The following PDE7B variants were observed in gnomAD, a reference collection of about 807,000 sequenced individuals.
PDE7B encodes phosphodiesterase 7B, also known as 3',5'-cyclic-AMP phosphodiesterase 7B.
A neutral mutation model predicts 56.2 loss-of-function variants in PDE7B; 29 were observed. That is an observed-to-expected ratio of 0.52 (90% CI 0.38 to 0.70). The LOEUF (loss-of-function observed/expected upper bound fraction) is 0.70, where lower values mean the gene tolerates loss of function less well. Ranked by LOEUF, PDE7B falls within the 30% of genes least tolerant of loss-of-function variation. The probability of loss-of-function intolerance (pLI) is 0.00; values close to 1 mark genes in which losing one functional copy is unlikely to be tolerated. For missense variants in PDE7B, 490 were observed against 565.0 expected (o/e 0.87, Z 1.35); for synonymous variants, 197 against 196.9 (o/e 1.00, Z 0.00).
chr6:136,150,186 G>A (rs1033710973), intron 5 of PDE7B, among the ~76,000 whole-genome samples: 2 of 152,164 alleles, frequency 1.3e-5, no homozygotes, highest in African/African-American at 2.4e-5. Context: ...AAGTCAAAGA[G>A]CCTCACAAGT....
chr6:136,125,544 G>A (rs1035149312), intron 3 of PDE7B, among the ~76,000 whole-genome samples: 1 of 151,818 alleles, frequency 6.6e-6, no homozygotes, highest in African/African-American at 2.4e-5. Context: ...ACTCCAACCT[G>A]GAGACAGGGC....
chr6:135,956,914 G>A (rs978382773), intron 2 of PDE7B, among the ~76,000 whole-genome samples: 5 of 151,566 alleles, frequency 3.3e-5, no homozygotes, highest in Non-Finnish European at 7.4e-5. Context: ...AGGAAGGAAC[G>A]AAAAGAAAAG....
At chr6:136,131,698 GAC>G (rs1217492277) in intron 3 of PDE7B, among the ~76,000 whole-genome samples, 2 of 152,048 alleles carry the variant, frequency 1.3e-5, no homozygotes, top group African/African-American at 4.8e-5. Flanking sequence ...TGTCAAGTGA[GAC>G]ATGTGTTTTC....
At chr6:135,984,816 G>A (rs994963540) in intron 2 of PDE7B, among the ~76,000 whole-genome samples, 1 of 152,090 alleles carries the variant, frequency 6.6e-6, no homozygotes, top group Non-Finnish European at 1.5e-5. Flanking sequence ...ACTGAGATCA[G>A]GTGGGGGACG....
At chr6:135,917,679 C>T (rs932461235) in intron 1 of PDE7B, among the ~76,000 whole-genome samples, 1 of 151,964 alleles carries the variant, frequency 6.6e-6, no homozygotes, top group African/African-American at 2.4e-5. Flanking sequence ...TTTTGATATG[C>T]TGGATACCGT....
At position 136,149,569 on chromosome 6, in the gene PDE7B, G is replaced by A. The variant is rs373966135; in HGVS notation, c.382+419G>A. ...AAGTGAGCTAAATCTGCCCTGTTGC[G>A]GGTATTGCTCAAATGTGTTTGACAT... On this transcript the variant is annotated intron_variant, in intron 5 of 12. Coordinates refer to ENST00000308191, the MANE Select transcript of PDE7B (RefSeq NM_018945.4). Among the ~76,000 whole-genome samples, 20 of 152,270 alleles carry A rather than the reference G, an allele frequency of 1.3e-4. No homozygotes were observed. The South Asian group carries it at 3.5e-3, about 27-fold the overall frequency.
chr6:135,951,332 G>A (rs1289411537), intron 2 of PDE7B, among the ~76,000 whole-genome samples: 1 of 151,876 alleles, frequency 6.6e-6, no homozygotes, highest in Admixed American at 6.6e-5. Context: ...CCTTCTTCAG[G>A]TCTCATGAAC....
chr6:135,916,392 C>CTTTTTTT lies in PDE7B; in HGVS notation c.22-31060_22-31054dup, dbSNP rs566408380. 2.0e-3 allele frequency among the ~76,000 whole-genome samples: 192 copies of CTTTTTTT among 96,326 alleles called. 4 individuals are homozygous for CTTTTTTT. The highest frequency in any genetic ancestry group is 3.1e-3 in the East Asian group (8 of 2,616). 63.2% of individuals were successfully genotyped at this position (96,326 alleles called of 152,430 possible). On this transcript the variant is annotated intron_variant, in intron 1 of 12. Transcript: ENST00000308191. ...TTTTTTCTTTTCTTTTCTTTTCTTT[C>CTTTTTTT]TTTTTTTTTTTTTTTTTTGAGATGG...
intron 2 of PDE7B, among the ~76,000 whole-genome samples, chr6:135,965,790 C>G (rs1774987967): frequency 6.6e-6 from 1 of 152,070 alleles, no homozygotes; most frequent in South Asian, 2.1e-4. Flanking sequence ...CAAACCATAT[C>G]ACCAAGGAAT....
chr6:136,087,969 A>C (rs1431109411), intron 2 of PDE7B, among the ~76,000 whole-genome samples: 1 of 152,236 alleles, frequency 6.6e-6, no homozygotes, highest in Non-Finnish European at 1.5e-5. Flanking sequence ...ACAAGTCAAT[A>C]CCAGTGGGAG....
intron 11 of PDE7B, among the ~76,000 whole-genome samples, chr6:136,184,493 A>C (rs1703785412): frequency 6.6e-6 from 1 of 152,228 alleles, no homozygotes; most frequent in Non-Finnish European, 1.5e-5. Context: ...AGTCTTGATC[A>C]TATTTCAAGG....
At chr6:135,959,024 A>AT (rs1184989732) in intron 2 of PDE7B, among the ~76,000 whole-genome samples, 2 of 152,268 alleles carry the variant, frequency 1.3e-5, no homozygotes, top group Non-Finnish European at 2.9e-5. Context: ...TGTAGTCAAC[A>AT]TTTTTTACAT....
At chr6:136,163,016 G>A (rs1049688370) in intron 8 of PDE7B, among the ~76,000 whole-genome samples, 1 of 152,166 alleles carries the variant, frequency 6.6e-6, no homozygotes, top group African/African-American at 2.4e-5. Flanking sequence ...GCTTTTCCAG[G>A]TACACAGGTG....
intron 2 of PDE7B, among the ~76,000 whole-genome samples, chr6:136,081,696 T>C (rs1452073530): frequency 6.6e-6 from 1 of 152,188 alleles, no homozygotes; most frequent in African/African-American, 2.4e-5. Context: ...ATAATTTGAA[T>C]TTTGGCATCA....
At chr6:135,981,582 C>T (rs542419064) in intron 2 of PDE7B, among the ~76,000 whole-genome samples, 1 of 149,214 alleles carries the variant, frequency 6.7e-6, no homozygotes, top group East Asian at 2.0e-4. Context: ...TGATGTTGAT[C>T]ATCTTGACCC....
chr6:136,032,007 A>G (rs949443639), intron 2 of PDE7B, among the ~76,000 whole-genome samples: 2 of 152,214 alleles, frequency 1.3e-5, no homozygotes, highest in African/African-American at 4.8e-5. Context: ...TATTTTAAAA[A>G]ATTAACATAT....
intron 2 of PDE7B, among the ~76,000 whole-genome samples, chr6:136,027,530 T>A (rs1001707052): frequency 2.6e-5 from 4 of 152,304 alleles, no homozygotes; most frequent in Non-Finnish European, 5.9e-5. Context: ...TTTCTATTTT[T>A]TAAAGTGTGA....
At chr6:135,961,255 ATGTGTG>A (rs961322926) in intron 2 of PDE7B, among the ~76,000 whole-genome samples, 2,022 of 146,178 alleles carry the variant, frequency 0.014, 68 homozygotes, top group African/African-American at 0.049. Context: ...TAGAGTGTAT[ATGTGTG>A]TGTGTGTGTG....
chr6:136,021,854 C>T (rs1348554114), intron 2 of PDE7B, among the ~76,000 whole-genome samples: 2 of 152,200 alleles, frequency 1.3e-5, no homozygotes, highest in Non-Finnish European at 2.9e-5. Flanking sequence ...CACTCTTCTT[C>T]TGAAAACCTT....
Sources: gnomAD v4.1 joint callset for allele counts (sites outside exome capture counted in the v4.1 genomes callset) on GRCh38, gnomAD v4.1.1 for gene constraint, MANE v1.5 for transcripts, NCBI Gene and HGNC (gene_info 2026-07-23, HGNC 2026-07-21) for gene names.